The following KANK1 variants were observed in gnomAD, a reference collection of about 807,000 sequenced individuals.
The protein encoded by KANK1 is KN motif and ankyrin repeat domain-containing protein 1.
KANK1 carries 109 observed loss-of-function variants against 106.2 expected under a neutral mutation model. The ratio of observed to expected loss-of-function variants is 1.03; its 90% CI spans 0.88 to 1.20. KANK1 has a LOEUF of 1.20. KANK1 is among the 50% of genes most tolerant of loss of function. KANK1 has a pLI of 0.00. For missense variants in KANK1, 2,399 were observed against 1,710.7 expected, an observed-to-expected ratio of 1.40 and a Z score of -7.10; for synonymous variants, 873 against 652.2, an observed-to-expected ratio of 1.34 and a Z score of -5.16.
chr9:502,288 C>G (rs1056306871), upstream of KANK1, among the ~76,000 whole-genome samples: 9 of 152,010 alleles, frequency 5.9e-5, no homozygotes, highest in Non-Finnish European at 1.2e-4. Flanking sequence ...GGAATATATT[C>G]AAAACCACTG....
chr9:538,466 A>G (rs1309545033), intron 1 of KANK1, among the ~76,000 whole-genome samples: 1 of 152,258 alleles, frequency 6.6e-6, no homozygotes, highest in Non-Finnish European at 1.5e-5. Flanking sequence ...ATGATTGACA[A>G]AACAATTTTG....
intron 1 of KANK1, among the ~76,000 whole-genome samples, chr9:631,078 G>A (rs1835615865): frequency 6.6e-6 from 1 of 152,214 alleles, no homozygotes; most frequent in South Asian, 2.1e-4. Context: ...AGTTCTAGGA[G>A]TGATATGTGT....
At chr9:525,037 A>G (rs1283154800) in intron 1 of KANK1, among the ~76,000 whole-genome samples, 1 of 121,784 alleles carries the variant, frequency 8.2e-6, no homozygotes, top group Non-Finnish European at 1.6e-5. Flanking sequence ...CCCAGGCTGG[A>G]GAGCACTGGC....
intron 3 of KANK1, among the ~76,000 whole-genome samples, chr9:729,292 C>T (rs1451640007): frequency 6.6e-6 from 1 of 152,108 alleles, no homozygotes; most frequent in Non-Finnish European, 1.5e-5. Flanking sequence ...TCATCTTGTA[C>T]ATTGTATCAC....
In KANK1 at chr9:710,958, G is replaced by A. The variant is rs751452404; in HGVS notation, c.192G>A (p.Gln64=). The change falls in exon 3 of 12, where the codon CAG becomes CAA. Residue 64 remains glutamine (Q), a synonymous_variant. Transcript: ENST00000382297. ...KGNTIKRLNI[Q]KRRKPSVPCP... is the part of the protein sequence containing the mutation. Reference sequence around the variant, plus strand: ...ATACCATCAAAAGACTGAACATCCAGAAGAGGCGGAAGCCGTCCGTGCCAT... The same window carrying A: ...ATACCATCAAAAGACTGAACATCCAAAAGAGGCGGAAGCCGTCCGTGCCAT... The A allele has an allele frequency of 6.2e-7, 1 of 1,614,166 alleles. No individual in the cohort carries two copies. The highest frequency in any genetic ancestry group is 1.1e-5 in the South Asian group (1 of 91,084).
upstream of KANK1, among the ~76,000 whole-genome samples, chr9:502,653 G>C (rs746871007): frequency 5.9e-5 from 9 of 151,956 alleles, no homozygotes; most frequent in Non-Finnish European, 1.2e-4. Context: ...CTCCCGAGTA[G>C]CTGGGATTAC....
At chr9:642,979 A>G (rs1271268930) in intron 1 of KANK1, among the ~76,000 whole-genome samples, 2 of 150,574 alleles carry the variant, frequency 1.3e-5, no homozygotes, top group East Asian at 1.9e-4. Context: ...CTTTTCTTCT[A>G]CTTTATAGCT....
At chr9:741,797 T>G (rs2132254029) in intron 9 of KANK1, among the ~76,000 whole-genome samples, 1 of 151,988 alleles carries the variant, frequency 6.6e-6, no homozygotes. Context: ...CTGGCTTTTT[T>G]TTAAGTAGAG....
chr9:547,860 G>A (rs1430288473), intron 1 of KANK1, among the ~76,000 whole-genome samples: 2 of 152,212 alleles, frequency 1.3e-5, no homozygotes, highest in Non-Finnish European at 2.9e-5. Flanking sequence ...GTAAGTTTTA[G>A]GCTGAAGGAT....
rs1554646423 is a variant in KANK1, at chr9:608,037, T to TTTTTA, written c.-83-68849_-83-68848insATTTT. On this transcript the variant is annotated intron_variant, in intron 1 of 11. Coordinates refer to ENST00000382297, the MANE Select transcript of KANK1 (RefSeq NM_015158.5). The stretch of plus-strand genomic sequence containing the variant: ...AATTATTATTATTATTATTATTATT[T>TTTTTA]TTTTTTTTTTTGAGACGGAGTCTCG... Among the ~76,000 whole-genome samples, 2 of 114,898 alleles carry TTTTTA rather than the reference T, an allele frequency of 1.7e-5. 1 individual carries two copies. Among genetic ancestry groups the TTTTTA allele is most frequent in the African/African-American group, 7.3e-5 (2 of 27,412 alleles). The allele number at this position is 114,898 out of a possible 152,430, so 75.4% of individuals were successfully genotyped here.
rs983871798 is a variant in KANK1, at chr9:634,298, G to A, written c.-83-42592G>A. ...TGAAATCATAGGGATGTGCAAAATG[G>A]TCTAATCCTGTGCCACCTCACCTGC... On this transcript the variant is annotated intron_variant, in intron 1 of 11. Transcript: ENST00000382297. Among the ~76,000 whole-genome samples the A allele has an allele frequency of 2.6e-5, 4 of 152,114 alleles. No individual in the cohort carries two copies. The South Asian group carries it at 8.3e-4, about 32-fold the overall frequency.
intron 7 of KANK1, among the ~76,000 whole-genome samples, chr9:735,530 G>T (rs140657299): frequency 6.6e-6 from 1 of 152,278 alleles, no homozygotes; most frequent in African/African-American, 2.4e-5. Context: ...CTAACCCCCT[G>T]GTTGACAGCT....
intron 1 of KANK1, among the ~76,000 whole-genome samples, chr9:509,639 T>G (rs2058940589): frequency 6.6e-6 from 1 of 152,242 alleles, no homozygotes; most frequent in Non-Finnish European, 1.5e-5. Context: ...GGTGTTTTAC[T>G]AGTACATACC....
chr9:676,965 A>G lies in KANK1; in HGVS notation c.-8A>G. 1 of 1,613,462 alleles carries G rather than the reference A, an allele frequency of 6.2e-7. No individual in the cohort carries two copies. Among genetic ancestry groups the G allele is most frequent in the Non-Finnish European group, 8.5e-7 (1 of 1,179,614 alleles). ...CCTTTCTGGATCTCTCATTGGACTC[A>G]AGCCAGCATGGCTCACACCACAAAG... On this transcript the variant is annotated 5_prime_UTR_variant, in exon 2 of 12. Coordinates refer to ENST00000382297, the MANE Select transcript of KANK1 (RefSeq NM_015158.5).
rs557751362 is a variant in KANK1 at position 570,045 on chromosome 9, G to C, written c.-84+65291G>C. Among the ~76,000 whole-genome samples, 6 of 152,204 alleles carry C rather than the reference G, an allele frequency of 3.9e-5. No homozygotes were observed. In the South Asian group the frequency reaches 1.2e-3, roughly 32 times the overall value. On this transcript the variant is annotated intron_variant, in intron 1 of 11. Transcript: ENST00000382297. ...TGTTTTTTAAAACAATTATTTAGGAGAATAGAATAGTTTTTTTCTCCTTGT... is the reference window on the plus strand; with the variant it reads ...TGTTTTTTAAAACAATTATTTAGGACAATAGAATAGTTTTTTTCTCCTTGT...
At chr9:481,299 A>AC (rs553236776) in intron 3 of KANK1, among the ~76,000 whole-genome samples, 187 of 152,014 alleles carry the variant, frequency 1.2e-3, no homozygotes, top group Non-Finnish European at 1.8e-3. Flanking sequence ...ACAAAACAAA[A>AC]AAAAACCCAA....
intron 1 of KANK1, among the ~76,000 whole-genome samples, chr9:637,809 A>T (rs187810145): frequency 6.6e-6 from 1 of 152,176 alleles, no homozygotes; most frequent in African/African-American, 2.4e-5. Context: ...TATTTTAAAA[A>T]CTATTAGACT....
intron 3 of KANK1, among the ~76,000 whole-genome samples, chr9:721,463 A>G (rs1829324344): frequency 1.3e-5 from 2 of 152,234 alleles, no homozygotes; most frequent in South Asian, 4.1e-4. Flanking sequence ...GCTGCACTTT[A>G]TGCAAATAAT....
chr9:548,372 T>C lies in KANK1; in HGVS notation c.-84+43618T>C, dbSNP rs1359522987. Among the ~76,000 whole-genome samples the C allele has an allele frequency of 2.6e-5, 4 of 152,168 alleles. No homozygotes were observed. In the East Asian group the frequency reaches 7.7e-4, roughly 29 times the overall value. On this transcript the variant is annotated intron_variant, in intron 1 of 11. Coordinates refer to ENST00000382297, the MANE Select transcript of KANK1 (RefSeq NM_015158.5). ...TCCTGAAGGTTTGTCAGTGAGATAG[T>C]TGGGGGGTTCCTGAGCTTTTTATTG... is the stretch of plus-strand genomic sequence containing the variant.
Sources: allele counts gnomAD v4.1 joint callset (sites outside exome capture counted in the v4.1 genomes callset), GRCh38; gene constraint gnomAD v4.1.1; transcripts MANE v1.5; gene names NCBI Gene and HGNC (gene_info 2026-07-23, HGNC 2026-07-21).